The following C8orf34 variants were observed in gnomAD, a reference collection of about 807,000 sequenced individuals.
The protein encoded by C8orf34 is uncharacterized protein C8orf34.
C8orf34 carries 65 observed loss-of-function variants against 68.3 expected under a neutral mutation model. The ratio of observed to expected loss-of-function variants is 0.95; its 90% confidence interval spans 0.78 to 1.17. C8orf34 has a LOEUF of 1.17. Among genes scored for constraint, C8orf34 ranks in the 50% most tolerant of loss-of-function variants. The pLI, the probability that C8orf34 is intolerant of heterozygous loss-of-function variation, is 0.00. For missense variants in C8orf34, 664 were observed against 655.4 expected (o/e 1.01, Z -0.14); for synonymous variants, 244 against 241.2 (o/e 1.01, Z -0.11).
At chr8:68,727,286 C>G (rs1300925777) in intron 10 of C8orf34, among the ~76,000 whole-genome samples, 1 of 152,208 alleles carries the variant, frequency 6.6e-6, no homozygotes, top group Admixed American at 6.5e-5. Context: ...GACTCCAGGT[C>G]TCACATCCAA....
At chr8:68,602,920 G>A (rs1248861575) in intron 7 of C8orf34, among the ~76,000 whole-genome samples, 1 of 152,062 alleles carries the variant, frequency 6.6e-6, no homozygotes, top group African/African-American at 2.4e-5. Flanking sequence ...CTTTTTGCTA[G>A]AGCAAGAAAG....
chr8:68,349,650 G>A (rs771561109), intron 1 of C8orf34, among the ~76,000 whole-genome samples: 10 of 151,774 alleles, frequency 6.6e-5, no homozygotes, highest in Non-Finnish European at 1.5e-4. Context: ...ATTCAATTTC[G>A]GAGCTTGTTA....
intron 10 of C8orf34, among the ~76,000 whole-genome samples, chr8:68,746,128 A>C (rs1822482911): frequency 6.6e-6 from 1 of 152,216 alleles, no homozygotes; most frequent in South Asian, 2.1e-4. Context: ...CCTGCTCCTG[A>C]ATGACTACTG....
At chr8:68,448,466 C>T (rs1371928919) in intron 3 of C8orf34, among the ~76,000 whole-genome samples, 1 of 152,084 alleles carries the variant, frequency 6.6e-6, no homozygotes, top group Admixed American at 6.6e-5. Flanking sequence ...AGTAAAATAT[C>T]TCTGTACGTA....
chr8:68,331,175 C>A lies in C8orf34; in HGVS notation c.163C>A (p.Pro55Thr). The A allele has an allele frequency of 2.6e-6, 4 of 1,532,836 alleles. No homozygotes were observed. Among genetic ancestry groups the A allele is most frequent in the Non-Finnish European group, 3.5e-6 (4 of 1,144,404 alleles). 95.0% of individuals were successfully genotyped at this position (1,532,836 alleles called of 1,614,324 possible). ...AGQPRLRSSC[P>T]GPSPGKRRVV... ...GCAGCCGAGGCTCCGGAGCTCCTGT[C>A]CCGGCCCCAGTCCGGGTAAAAGGAG... is the stretch of plus-strand genomic sequence containing the variant. Residue 55 changes from proline (P) to threonine (T), a missense_variant, in exon 1 of 14, where the codon CCC (proline) becomes ACC (threonine). Transcript: ENST00000518698.
At chr8:68,719,385 A>G (rs543868833) in intron 9 of C8orf34, among the ~76,000 whole-genome samples, 1 of 152,180 alleles carries the variant, frequency 6.6e-6, no homozygotes, top group East Asian at 1.9e-4. Flanking sequence ...GAATTCAACA[A>G]AAATGAAACC....
intron 8 of C8orf34, among the ~76,000 whole-genome samples, chr8:68,652,235 C>T (rs1819381431): frequency 6.6e-6 from 1 of 152,164 alleles, no homozygotes; most frequent in South Asian, 2.1e-4. Context: ...GTATCTATTT[C>T]AATTCCTTAC....
intron 7 of C8orf34, among the ~76,000 whole-genome samples, chr8:68,568,786 AG>A (rs1816678079): frequency 6.6e-6 from 1 of 152,210 alleles, no homozygotes; most frequent in Non-Finnish European, 1.5e-5. Flanking sequence ...GCCACTAAAA[AG>A]GATCCTGTCT....
chr8:68,796,517 A>G (rs1824181056), intron 12 of C8orf34, among the ~76,000 whole-genome samples: 1 of 152,188 alleles, frequency 6.6e-6, no homozygotes, highest in African/African-American at 2.4e-5. Context: ...TCTGTGGAAA[A>G]ATAAGTTTTG....
At chr8:68,492,275 G>C (rs557933051) in intron 5 of C8orf34, among the ~76,000 whole-genome samples, 7 of 152,052 alleles carry the variant, frequency 4.6e-5, no homozygotes, top group African/African-American at 1.7e-4. Context: ...TGTCACCCAG[G>C]CTGGTGTGCA....
intron 1 of C8orf34, among the ~76,000 whole-genome samples, chr8:68,342,088 C>G (rs1806093868): frequency 6.6e-6 from 1 of 151,998 alleles, no homozygotes; most frequent in South Asian, 2.1e-4. Context: ...TTACCACAAA[C>G]AAAAATGATA....
rs1330870041 is a variant in C8orf34 at position 68,782,050 on chromosome 8, A to C, written c.1456-5393A>C. ...TTTTAGTATTTCAATCAAAAAGCTA[A>C]ATAACCAAAATATTTTTAAATTAAA... On this transcript the variant is annotated intron_variant, in intron 11 of 13. Coordinates refer to ENST00000518698, the MANE Select transcript of C8orf34 (RefSeq NM_052958.4). Among the ~76,000 whole-genome samples the C allele has an allele frequency of 3.9e-5, 6 of 152,322 alleles. No homozygotes were observed. The East Asian group carries it at 1.2e-3, about 29-fold the overall frequency.
At chr8:68,515,304 C>G (rs1473624124) in intron 5 of C8orf34, among the ~76,000 whole-genome samples, 15 of 151,612 alleles carry the variant, frequency 9.9e-5, no homozygotes, top group Admixed American at 5.9e-4. Context: ...CTACAGCCCT[C>G]CCTTTTTTCC....
At chr8:68,657,749 A>G (rs1819551174) in intron 8 of C8orf34, among the ~76,000 whole-genome samples, 1 of 152,180 alleles carries the variant, frequency 6.6e-6, no homozygotes, top group Non-Finnish European at 1.5e-5. Context: ...TTTGTATCTA[A>G]TTCAAGGCAT....
intron 12 of C8orf34, among the ~76,000 whole-genome samples, chr8:68,810,587 TG>T (rs1392692179): frequency 6.6e-6 from 1 of 152,164 alleles, no homozygotes; most frequent in African/African-American, 2.4e-5. Context: ...CTTTCAGTCC[TG>T]CTGTTTGGGG....
At chr8:68,813,850 T>G (rs1824729288) in intron 12 of C8orf34, among the ~76,000 whole-genome samples, 1 of 152,210 alleles carries the variant, frequency 6.6e-6, no homozygotes, top group Non-Finnish European at 1.5e-5. Flanking sequence ...AAATTTTAAC[T>G]GCTACTTGGG....
intron 5 of C8orf34, among the ~76,000 whole-genome samples, chr8:68,505,588 G>A (rs944564405): frequency 7.5e-6 from 1 of 133,006 alleles, no homozygotes; most frequent in Non-Finnish European, 1.5e-5. Flanking sequence ...AAAATTAGCC[G>A]GGCGCGGTGG....
intron 7 of C8orf34, among the ~76,000 whole-genome samples, chr8:68,538,468 CT>C (rs10719415): frequency 0.2 from 29,830 of 146,894 alleles, 3,792 homozygotes; most frequent in African/African-American, 0.37. Flanking sequence ...CTCTAAAGTG[CT>C]TTTTTTTTTT....
chr8:68,590,579 G>A (rs1287960173), intron 7 of C8orf34, among the ~76,000 whole-genome samples: 8 of 152,222 alleles, frequency 5.3e-5, no homozygotes, highest in Admixed American at 1.3e-4. Context: ...ATCCCCTGTC[G>A]AAGCCAACTG....
Sources: gnomAD v4.1 joint callset for allele counts (sites outside exome capture counted in the v4.1 genomes callset) on GRCh38, gnomAD v4.1.1 for gene constraint, MANE v1.5 for transcripts, NCBI Gene and HGNC (gene_info 2026-07-23, HGNC 2026-07-21) for gene names.